The following DLGAP1 variants were observed in gnomAD, a reference collection of about 807,000 sequenced individuals.
The protein encoded by DLGAP1 is DLG associated protein 1.
DLGAP1 carries 11 observed loss-of-function variants against 90.8 expected under a neutral mutation model. The ratio of observed to expected loss-of-function variants is 0.12; its 90% CI spans 0.08 to 0.20. The LOEUF (loss-of-function observed/expected upper bound fraction) is 0.20, where lower values mean the gene tolerates loss of function less well. Ranked by LOEUF, DLGAP1 falls within the 10% of genes least tolerant of loss-of-function variation. DLGAP1 has a pLI of 1.00. For synonymous variants in DLGAP1, 558 were observed against 540.7 expected (o/e 1.03, Z -0.44); for missense variants, 1,050 against 1,333.8 (o/e 0.79, Z 3.31).
intron 7 of DLGAP1, among the ~76,000 whole-genome samples, chr18:3,649,829 C>A (rs907849275): frequency 2.0e-5 from 3 of 152,012 alleles, no homozygotes; most frequent in African/African-American, 7.3e-5. Flanking sequence ...TGTGAGAGAG[C>A]TCTGAGATGA....
At chr18:4,394,728 T>C (rs1260546330) in intron 1 of DLGAP1, among the ~76,000 whole-genome samples, 1 of 152,232 alleles carries the variant, frequency 6.6e-6, no homozygotes, top group Non-Finnish European at 1.5e-5. Context: ...GGAACAAACC[T>C]ATTTTCAGAA....
intron 1 of DLGAP1, among the ~76,000 whole-genome samples, chr18:4,368,115 C>A (rs1167854928): frequency 6.6e-6 from 1 of 151,968 alleles, no homozygotes; most frequent in Non-Finnish European, 1.5e-5. Context: ...AATTTAAATA[C>A]AATTTTAAAA....
intron 4 of DLGAP1, among the ~76,000 whole-genome samples, chr18:3,861,348 A>G (rs1439521979): frequency 6.6e-6 from 1 of 152,250 alleles, no homozygotes; most frequent in Non-Finnish European, 1.5e-5. Context: ...GAAGAAGGAA[A>G]GCCATCAATT....
At chr18:3,519,476 C>G (rs1046475181) in intron 10 of DLGAP1, among the ~76,000 whole-genome samples, 2 of 152,200 alleles carry the variant, frequency 1.3e-5, no homozygotes, top group African/African-American at 4.8e-5. Context: ...AACCCCTATT[C>G]CCTCATCTTC....
intron 2 of DLGAP1, among the ~76,000 whole-genome samples, chr18:4,096,070 G>T (rs180954693): frequency 2.6e-5 from 4 of 152,160 alleles, no homozygotes; most frequent in Admixed American, 1.3e-4. Context: ...TTGTCGGCCA[G>T]GCTGGAATGC....
intron 7 of DLGAP1, among the ~76,000 whole-genome samples, chr18:3,690,042 T>C (rs1287449011): frequency 6.6e-6 from 1 of 151,648 alleles, no homozygotes; most frequent in Non-Finnish European, 1.5e-5. Context: ...TAAGCATTGT[T>C]GAGAATTTCT....
intron 2 of DLGAP1, among the ~76,000 whole-genome samples, chr18:4,107,320 G>A (rs1188410463): frequency 6.6e-6 from 1 of 152,180 alleles, no homozygotes; most frequent in Non-Finnish European, 1.5e-5. Context: ...TTTTCCACCG[G>A]CGAAATTTAC....
intron 1 of DLGAP1, among the ~76,000 whole-genome samples, chr18:4,201,114 G>T (rs891291408): frequency 1.3e-5 from 2 of 148,412 alleles, no homozygotes; most frequent in South Asian, 4.1e-4. Flanking sequence ...TTCTGTTGAC[G>T]ACTTTTTTTT....
In DLGAP1 at chr18:3,875,887, C is replaced by T. The variant is rs755440402; in HGVS notation, c.957+3225G>A. 1.3e-4 allele frequency among the ~76,000 whole-genome samples: 20 copies of T among 152,218 alleles called. 1 individual carries two copies. Among genetic ancestry groups the T allele is most frequent in the South Asian group, 6.2e-4 (3 of 4,816 alleles). On this transcript the variant is annotated intron_variant, in intron 4 of 12. Transcript: ENST00000315677. ...GAAAGCATGTTTCCAGGTCATGTTA[C>T]TAGTTAGCAGCAAATAAGGACTAGA...
At chr18:4,324,936 T>G (rs2080783189) in intron 1 of DLGAP1, among the ~76,000 whole-genome samples, 1 of 152,174 alleles carries the variant, frequency 6.6e-6, no homozygotes, top group Non-Finnish European at 1.5e-5. Flanking sequence ...GCTGGAAGCT[T>G]TCTCTTTGAA....
intron 7 of DLGAP1, among the ~76,000 whole-genome samples, chr18:3,602,576 C>T (rs2057115732): frequency 9.0e-6 from 1 of 110,886 alleles, no homozygotes; most frequent in African/African-American, 3.6e-5. Context: ...GCCTGGGCGA[C>T]AGAGCGAGAC....
intron 1 of DLGAP1, among the ~76,000 whole-genome samples, chr18:4,243,866 G>A (rs1446337277): frequency 6.6e-6 from 1 of 152,038 alleles, no homozygotes; most frequent in Non-Finnish European, 1.5e-5. Flanking sequence ...ATGTCAAAAT[G>A]GCATTTAAAA....
intron 3 of DLGAP1, among the ~76,000 whole-genome samples, chr18:3,951,738 A>C (rs1402994701): frequency 6.6e-6 from 1 of 152,150 alleles, no homozygotes; most frequent in Non-Finnish European, 1.5e-5. Flanking sequence ...GATAGTGAGC[A>C]AGTTCTTAAG....
At chr18:3,722,731 T>C (rs1364403507) in intron 7 of DLGAP1, among the ~76,000 whole-genome samples, 1 of 152,180 alleles carries the variant, frequency 6.6e-6, no homozygotes, top group Non-Finnish European at 1.5e-5. Context: ...TTCTGAACCT[T>C]TGCCTCCCTG....
intron 1 of DLGAP1, among the ~76,000 whole-genome samples, chr18:4,181,453 C>T (rs2077206352): frequency 6.6e-6 from 1 of 152,060 alleles, no homozygotes; most frequent in African/African-American, 2.4e-5. Flanking sequence ...TATACTGCGG[C>T]AGTATAAAGG....
At chr18:3,505,964 C>A (rs186761634) in intron 11 of DLGAP1, among the ~76,000 whole-genome samples, 1 of 152,086 alleles carries the variant, frequency 6.6e-6, no homozygotes, top group African/African-American at 2.4e-5. Context: ...GGGCCAGGTG[C>A]GGTGGCTCAC....
At chr18:4,435,148 G>T (rs559214580) in intron 1 of DLGAP1, among the ~76,000 whole-genome samples, 1 of 152,282 alleles carries the variant, frequency 6.6e-6, no homozygotes, top group Admixed American at 6.5e-5. Context: ...ATTGAACATG[G>T]AATGAGAAGT....
intron 7 of DLGAP1, among the ~76,000 whole-genome samples, chr18:3,725,057 T>C (rs2062116708): frequency 6.6e-6 from 1 of 152,220 alleles, no homozygotes; most frequent in African/African-American, 2.4e-5. Flanking sequence ...TTTTAATACC[T>C]CCCTATCTCT....
chr18:4,330,845 A>T (rs2080932583), intron 1 of DLGAP1, among the ~76,000 whole-genome samples: 1 of 151,818 alleles, frequency 6.6e-6, no homozygotes, highest in Non-Finnish European at 1.5e-5. Flanking sequence ...GAAATATTCA[A>T]GCAAATCATG....
Sources: gnomAD v4.1 joint callset for allele counts (sites outside exome capture counted in the v4.1 genomes callset) on GRCh38, gnomAD v4.1.1 for gene constraint, MANE v1.5 for transcripts, NCBI Gene and HGNC (gene_info 2026-07-23, HGNC 2026-07-21) for gene names.